ABCA13: variants seen among roughly 807,000 people sequenced by gnomAD.
ABCA13 encodes the protein ATP-binding cassette sub-family A member 13.
Under a neutral mutation model 478.7 loss-of-function variants are expected in ABCA13, and 476 were observed. The observed-to-expected ratio is 0.99, with a 90% CI of 0.92 to 1.07. ABCA13 has a LOEUF of 1.07. ABCA13 is among the 50% of genes least tolerant of loss of function. The pLI is 0.00. For missense variants in ABCA13, 6,060 were observed against 5,910.6 expected, an observed-to-expected ratio of 1.03 and a Z score of -0.83; for synonymous variants, 2,252 against 2,158.9, an observed-to-expected ratio of 1.04 and a Z score of -1.20.
chr7:48,294,308 A>G (rs1799019679), intron 20 of ABCA13, among the ~76,000 whole-genome samples: 1 of 152,034 alleles, frequency 6.6e-6, no homozygotes, highest in Non-Finnish European at 1.5e-5. Flanking sequence ...CATGCTGTAT[A>G]TTAATTCTCT....
rs191114477 is a variant in ABCA13 at position 48,279,261 on chromosome 7, C to T, written c.8067C>T (p.Asn2689=). 3.8e-6 allele frequency: 6 copies of T among 1,588,458 alleles called. No individual in the cohort carries two copies. The East Asian group carries it at 1.4e-4, about 36-fold the overall frequency. The change falls in exon 18 of 62, where the codon AAC becomes AAT. Residue 2689 remains asparagine, a synonymous_variant. Coordinates refer to ENST00000435803, the MANE Select transcript of ABCA13 (RefSeq NM_152701.5). ...GCLVPINNIT[N]QMDFLYPNPI... ...TAGTTCCTATAAATAACATCACCAA[C>T]CAAATGGACTTCTTATACCCTAATC...
intron 55 of ABCA13, among the ~76,000 whole-genome samples, chr7:48,578,119 T>G (rs184748416): frequency 6.6e-6 from 1 of 152,278 alleles, no homozygotes. Context: ...AGTGATATAC[T>G]AAATCATGAG....
intron 39 of ABCA13, among the ~76,000 whole-genome samples, chr7:48,406,635 G>A (rs1402897364): frequency 6.6e-6 from 1 of 152,128 alleles, no homozygotes; most frequent in Admixed American, 6.6e-5. Context: ...CACTTTGGGA[G>A]GCCAAGATGG....
chr7:48,205,102 T>C (rs1251233635), intron 3 of ABCA13, among the ~76,000 whole-genome samples: 1 of 152,252 alleles, frequency 6.6e-6, no homozygotes, highest in Non-Finnish European at 1.5e-5. Context: ...TATGTGCTTT[T>C]TGCTAGGTTT....
At chr7:48,333,016 T>C (rs1411769843) in intron 27 of ABCA13, among the ~76,000 whole-genome samples, 1 of 152,228 alleles carries the variant, frequency 6.6e-6, no homozygotes, top group African/African-American at 2.4e-5. Flanking sequence ...CATTGTTTCC[T>C]CTCATACTCT....
At chr7:48,405,239 C>T (rs1358336690) in intron 39 of ABCA13, among the ~76,000 whole-genome samples, 1 of 152,226 alleles carries the variant, frequency 6.6e-6, no homozygotes, top group Non-Finnish European at 1.5e-5. Context: ...TACTGTGAGG[C>T]CTAGACAGCC....
intron 49 of ABCA13, among the ~76,000 whole-genome samples, chr7:48,506,806 G>A (rs1267426072): frequency 4.6e-5 from 7 of 152,160 alleles, no homozygotes; most frequent in Non-Finnish European, 1.0e-4. Context: ...AGACATGGGT[G>A]GGGATAAGGC....
chr7:48,305,645 AGGCCATCTCT>A (rs1344230098), intron 23 of ABCA13, among the ~76,000 whole-genome samples: 2 of 152,164 alleles, frequency 1.3e-5, no homozygotes, highest in Non-Finnish European at 2.9e-5. Flanking sequence ...GGCAACATGG[AGGCCATCTCT>A]GGTGCTCTCC....
At chr7:48,237,373 C>T (rs935489271) in intron 8 of ABCA13, among the ~76,000 whole-genome samples, 1 of 152,124 alleles carries the variant, frequency 6.6e-6, no homozygotes, top group Non-Finnish European at 1.5e-5. Flanking sequence ...GGTTCTGTAC[C>T]TGAGAAATGA....
At chr7:48,416,444 G>T (rs1219134201) in intron 41 of ABCA13, among the ~76,000 whole-genome samples, 1 of 152,116 alleles carries the variant, frequency 6.6e-6, no homozygotes, top group African/African-American at 2.4e-5. Flanking sequence ...TCTTGACCAT[G>T]CATGGTGCTC....
chr7:48,489,187 C>T, intron 47 of ABCA13, 49 bp from the exon 48 acceptor site: 7 of 1,446,908 alleles, frequency 4.8e-6, no homozygotes, highest in South Asian at 3.7e-5. Flanking sequence ...GACAAACAGA[C>T]TTACGAGCTA....
At chr7:48,481,754 C>T (rs535276352) in intron 46 of ABCA13, among the ~76,000 whole-genome samples, 25 of 151,924 alleles carry the variant, frequency 1.6e-4, no homozygotes, top group African/African-American at 4.3e-4. Context: ...GTGATCCTCC[C>T]GCCTCAGGCT....
intron 1 of ABCA13, among the ~76,000 whole-genome samples, chr7:48,185,935 A>T (rs182206594): frequency 6.6e-6 from 1 of 152,076 alleles, no homozygotes; most frequent in Admixed American, 6.5e-5. Flanking sequence ...GTTATGTATT[A>T]ATCCTCTCAA....
chr7:48,315,718 T>C (rs929732608), intron 26 of ABCA13, among the ~76,000 whole-genome samples: 3 of 152,196 alleles, frequency 2.0e-5, no homozygotes, highest in Non-Finnish European at 2.9e-5. Context: ...GACCTCGTGA[T>C]CTGCCTGCCT....
chr7:48,340,966 T>A (rs139155513), intron 29 of ABCA13, among the ~76,000 whole-genome samples: 2,750 of 152,294 alleles, frequency 0.018, 32 homozygotes, highest in Admixed American at 0.023. Flanking sequence ...TTTCTTGATT[T>A]ATTTGTTACA....
At chr7:48,381,523 C>T (rs1443534462) in intron 35 of ABCA13, among the ~76,000 whole-genome samples, 1 of 152,182 alleles carries the variant, frequency 6.6e-6, no homozygotes, top group East Asian at 1.9e-4. Flanking sequence ...GTAGATCCAG[C>T]ATCAGATCAT....
At chr7:48,407,750 G>T (rs1349020911) in intron 39 of ABCA13, among the ~76,000 whole-genome samples, 3 of 151,878 alleles carry the variant, frequency 2.0e-5, no homozygotes, top group Admixed American at 6.6e-5. Flanking sequence ...TAGAGATGGG[G>T]TTTCTGCATG....
intron 51 of ABCA13, among the ~76,000 whole-genome samples, chr7:48,512,199 A>G (rs1296166379): frequency 1.3e-5 from 2 of 152,048 alleles, no homozygotes; most frequent in Admixed American, 1.3e-4. Context: ...TGATATTACT[A>G]CTCACTAACC....
intron 42 of ABCA13, among the ~76,000 whole-genome samples, chr7:48,444,995 C>G (rs1017915576): frequency 1.4e-5 from 2 of 145,850 alleles, no homozygotes; most frequent in Non-Finnish European, 3.0e-5. Flanking sequence ...TTCTTTCTTT[C>G]TCTCTTTCTT....
Sources: gnomAD v4.1 joint callset for allele counts (sites outside exome capture counted in the v4.1 genomes callset) on GRCh38, gnomAD v4.1.1 for gene constraint, MANE v1.5 for transcripts, NCBI Gene and HGNC (gene_info 2026-07-23, HGNC 2026-07-21) for gene names.